The following ZSWIM9 variants were observed in gnomAD, a reference collection of about 807,000 sequenced individuals.
ZSWIM9 encodes the protein zinc finger SWIM-type containing 9, also known as uncharacterized protein ZSWIM9.
Under a neutral mutation model 25.0 loss-of-function variants are expected in ZSWIM9, and 11 were observed. That is an observed-to-expected ratio of 0.44 (90% confidence interval 0.28 to 0.73). ZSWIM9 has a LOEUF of 0.73. Ranked by LOEUF, ZSWIM9 falls within the 30% of genes least tolerant of loss-of-function variation. ZSWIM9 has a pLI of 0.16. For synonymous variants in ZSWIM9, 562 were observed against 582.1 expected (o/e 0.97, Z 0.50); for missense variants, 1,070 against 1,296.5 (o/e 0.83, Z 2.68).
At chr19:48,189,850 A>G (rs1353437136) in intron 3 of ZSWIM9, among the ~76,000 whole-genome samples, 1 of 152,190 alleles carries the variant, frequency 6.6e-6, no homozygotes, top group African/African-American at 2.4e-5. Flanking sequence ...GCTTTACATT[A>G]TTTGACTTTA....
intron 2 of ZSWIM9, among the ~76,000 whole-genome samples, chr19:48,176,984 A>ATCCT (rs1346567450): frequency 5.9e-5 from 9 of 152,094 alleles, no homozygotes; most frequent in African/African-American, 1.9e-4. Flanking sequence ...CTGAGGCAGG[A>ATCCT]GAATTGCTTG....
rs1417295543 is a variant in ZSWIM9 at position 48,195,948 on chromosome 19, G to C, written c.1884G>C (p.Arg628Ser). 2.3e-6 allele frequency: 3 copies of C among 1,332,332 alleles called. No homozygotes were observed. Among genetic ancestry groups the C allele is most frequent in the East Asian group, 3.1e-5 (1 of 32,714 alleles). The allele number at this position is 1,332,332 out of a possible 1,614,324, so 82.5% of individuals were successfully genotyped here. The change falls in exon 4 of 4, where the codon AGG (arginine) becomes AGC (serine). Residue 628 changes from arginine (R) to serine (S), a missense_variant. Physicochemically the swap from Arg to Ser is moderately radical, Grantham distance 110. Transcript: ENST00000614654. The surrounding 1 kb of genome is among the most constrained non-coding windows in gnomAD (Gnocchi z 5.8). ...GGAGTCTTGAAGGAAGCCCCTGGAG[G>C]GGGGCGCAGCTGCACGATGAAAGGG... ...RVRSLEGSPW[R>S]GAQLHDERAG...
At chr19:48,178,645 C>T (rs1162635820) in intron 2 of ZSWIM9, among the ~76,000 whole-genome samples, 2 of 151,898 alleles carry the variant, frequency 1.3e-5, no homozygotes, top group African/African-American at 2.4e-5. Flanking sequence ...GGCGCGATCT[C>T]GGCTCACTGC....
intron 2 of ZSWIM9, among the ~76,000 whole-genome samples, chr19:48,176,804 C>CT (rs933749733): frequency 6.6e-6 from 1 of 151,986 alleles, no homozygotes; most frequent in Non-Finnish European, 1.5e-5. Context: ...TGGCTCACAC[C>CT]TGTAATCCTA....
In ZSWIM9 at chr19:48,197,040, T is replaced by G; in HGVS notation, c.*213T>G. Reference sequence around the variant, plus strand: ...GTCCTGGAGCCACAGCTTGGGAAGGTGTTGATGGGCAGGGTGGATTCTGAG... The same window carrying G: ...GTCCTGGAGCCACAGCTTGGGAAGGGGTTGATGGGCAGGGTGGATTCTGAG... On this transcript the variant is annotated 3_prime_UTR_variant, in exon 4 of 4. Coordinates refer to ENST00000614654, the MANE Select transcript of ZSWIM9 (RefSeq NM_199341.4). 1.9e-6 allele frequency: 1 copy of G among 539,178 alleles called. No individual in the cohort carries two copies. The highest frequency in any genetic ancestry group is 3.2e-6 in the Non-Finnish European group (1 of 308,958). The allele number at this position is 539,178 out of a possible 1,614,324, so 33.4% of individuals were successfully genotyped here.
At chr19:48,172,903 A>C (rs2036855600) in intron 2 of ZSWIM9, among the ~76,000 whole-genome samples, 1 of 152,188 alleles carries the variant, frequency 6.6e-6, no homozygotes, top group Non-Finnish European at 1.5e-5. Context: ...AAAATTCCAG[A>C]AACATGGAGA....
At chr19:48,187,524 AT>A (rs1374516058) in intron 3 of ZSWIM9, among the ~76,000 whole-genome samples, 1 of 84,654 alleles carries the variant, frequency 1.2e-5, no homozygotes, top group East Asian at 3.0e-4. Context: ...TATATATTAT[AT>A]ATTATATTAT....
chr19:48,190,095 C>T (rs1300207000), intron 3 of ZSWIM9, among the ~76,000 whole-genome samples: 1 of 151,098 alleles, frequency 6.6e-6, no homozygotes, highest in African/African-American at 2.4e-5. Context: ...CCCAGCTACT[C>T]GGGAGACTGA....
intron 3 of ZSWIM9, among the ~76,000 whole-genome samples, chr19:48,192,468 A>ATGTATAT (rs1173330681): frequency 5.9e-4 from 14 of 23,866 alleles, no homozygotes; most frequent in Admixed American, 1.4e-3. Context: ...AAAAAAAAAA[A>ATGTATAT]AAAAAAAAAA....
chr19:48,192,498 T>TATATATATACACACAC lies in ZSWIM9; in HGVS notation c.589-2154_589-2153insTATATATACACACACA, dbSNP rs369454865. On this transcript the variant is annotated intron_variant, in intron 3 of 3. Coordinates refer to ENST00000614654, the MANE Select transcript of ZSWIM9 (RefSeq NM_199341.4). ...AAAAAAAAATATATATATATATATATACACACACACACACACACACATTTA... is the reference window on the plus strand; with the variant it reads ...AAAAAAAAATATATATATATATATATATATATATACACACACACACACACACACACACACACATTTA... Among the ~76,000 whole-genome samples, 90 of 20,748 alleles carry TATATATATACACACAC rather than the reference T, an allele frequency of 4.3e-3. 3 individuals carry two copies. The highest frequency in any genetic ancestry group is 0.016 in the Middle Eastern group (1 of 64). 13.6% of individuals were successfully genotyped at this position (20,748 alleles called of 152,430 possible).
intron 3 of ZSWIM9, among the ~76,000 whole-genome samples, chr19:48,184,890 T>C (rs1427572581): frequency 1.3e-5 from 2 of 152,000 alleles, no homozygotes; most frequent in African/African-American, 4.8e-5. Context: ...CAAACACACA[T>C]GCACTTCCTA....
At chr19:48,187,321 C>A (rs2037024197) in intron 3 of ZSWIM9, among the ~76,000 whole-genome samples, 1 of 136,864 alleles carries the variant, frequency 7.3e-6, no homozygotes, top group Non-Finnish European at 1.5e-5. Flanking sequence ...CTTATAAAAT[C>A]TAATGAAAGA....
intron 3 of ZSWIM9, among the ~76,000 whole-genome samples, chr19:48,188,323 G>A (rs746358121): frequency 7.2e-5 from 11 of 151,902 alleles, no homozygotes; most frequent in Non-Finnish European, 1.3e-4. Context: ...CCCAGGTTCA[G>A]GTGATTCTTG....
At chr19:48,191,243 C>T (rs540208599) in intron 3 of ZSWIM9, among the ~76,000 whole-genome samples, 4 of 152,128 alleles carry the variant, frequency 2.6e-5, no homozygotes, top group Middle Eastern at 3.4e-3. Flanking sequence ...CTCTCTCTGT[C>T]GCCCAGGCTG....
Position 48,194,606 on chromosome 19 carries a change from C to A in ZSWIM9, c.589-47C>A, listed in dbSNP as rs2037134576. On this transcript the variant is annotated intron_variant, in intron 3 of 3. Coordinates refer to ENST00000614654, the MANE Select transcript of ZSWIM9 (RefSeq NM_199341.4). The surrounding 1 kb of genome is among the most constrained non-coding windows in gnomAD (Gnocchi z 6.0). ...GGTCGGGGAGCTGGGCGGGGAGACC[C>A]CAGCATCCTCTGACCTCTTTCCTTG... The A allele has an allele frequency of 2.2e-6, 3 of 1,375,562 alleles. No homozygotes were observed. In the South Asian group the frequency reaches 5.0e-5, roughly 23 times the overall value. The allele number at this position is 1,375,562 out of a possible 1,614,324, so 85.2% of individuals were successfully genotyped here.
rs945361287 is a variant in ZSWIM9, at chr19:48,170,895, G to A, written c.-10+181G>A. Among the ~76,000 whole-genome samples the A allele has an allele frequency of 9.2e-5, 14 of 152,002 alleles. 1 individual carries two copies. Among genetic ancestry groups the A allele is most frequent in the Non-Finnish European group, 1.5e-4 (10 of 67,974 alleles). On this transcript the variant is annotated intron_variant, in intron 1 of 3. Transcript: ENST00000614654. ...AGCTGGACGTGGGGGGAGCATCTGG[G>A]GTGAAGGAGCCCATCCGAGGACGAG...
chr19:48,186,717 CGGGGGGT>C (rs993143770), intron 3 of ZSWIM9: 2 of 154,798 alleles, frequency 1.3e-5, no homozygotes, highest in African/African-American at 4.8e-5. Flanking sequence ...GGCCTCCTGG[CGGGGGGT>C]GAAGGCCAGG....
In ZSWIM9 at chr19:48,196,944, G is replaced by A. The variant is rs1386848310; in HGVS notation, c.*117G>A. On this transcript the variant is annotated 3_prime_UTR_variant, in exon 4 of 4. Transcript: ENST00000614654. ...TTGCAGTCCCCCTGGCCACCTTCTG[G>A]GTCATCCAGGGACCTCCTCATGGCA... The A allele has an allele frequency of 9.5e-7, 1 of 1,056,440 alleles. No individual in the cohort carries two copies. Among genetic ancestry groups the A allele is most frequent in the Non-Finnish European group, 1.2e-6 (1 of 810,934 alleles). The allele number at this position is 1,056,440 out of a possible 1,614,324, so 65.4% of individuals were successfully genotyped here.
intron 3 of ZSWIM9, among the ~76,000 whole-genome samples, chr19:48,186,172 C>A (rs1437347830): frequency 6.6e-6 from 1 of 152,168 alleles, no homozygotes; most frequent in African/African-American, 2.4e-5. Context: ...CGCAGCTCTG[C>A]ACATATACAG....
Sources: allele counts gnomAD v4.1 joint callset (sites outside exome capture counted in the v4.1 genomes callset), GRCh38; gene constraint gnomAD v4.1.1; non-coding constraint Gnocchi (gnomAD v3.1); transcripts MANE v1.5; gene names NCBI Gene and HGNC (gene_info 2026-07-23, HGNC 2026-07-21).